Variants in SERGEF observed in about 807,000 individuals in gnomAD.
The protein encoded by SERGEF is secretion-regulating guanine nucleotide exchange factor.
A neutral mutation model predicts 50.0 loss-of-function variants in SERGEF; 51 were observed. The ratio of observed to expected loss-of-function variants is 1.02; its 90% CI spans 0.81 to 1.29. The LOEUF (loss-of-function observed/expected upper bound fraction) is 1.29, where lower values mean the gene tolerates loss of function less well. Ranked by LOEUF, SERGEF falls within the 50% of genes most tolerant of loss-of-function variation. The pLI, the probability that SERGEF is intolerant of heterozygous loss-of-function variation, is 0.00. For synonymous variants in SERGEF, 205 were observed against 212.4 expected (o/e 0.97, Z 0.30); for missense variants, 521 against 557.0 (o/e 0.94, Z 0.65).
At chr11:17,988,481 T>C in intron 8 of SERGEF, 116 bp downstream of exon 8, 1 of 951,882 alleles carries the variant, frequency 1.1e-6, no homozygotes, top group South Asian at 1.8e-5. Context: ...AGTATCCCCA[T>C]CTCTGATCTT....
At chr11:17,842,075 AT>A (rs901458791) in intron 10 of SERGEF, among the ~76,000 whole-genome samples, 311 of 146,808 alleles carry the variant, frequency 2.1e-3, no homozygotes, top group African/African-American at 6.4e-3. Flanking sequence ...GACTGGTGCA[AT>A]TTTTTTTTTT....
rs556626301 is a variant in SERGEF at position 17,988,702 on chromosome 11, C to T, written c.739G>A (p.Glu247Lys). 18 of 1,614,148 alleles carry T rather than the reference C, an allele frequency of 1.1e-5. No homozygotes were observed. The East Asian group carries it at 2.2e-4, about 20-fold the overall frequency. ...GSNKHGQLAN[E>K]AAFLPVPQKI... The stretch of plus-strand genomic sequence containing the variant: ...TGGGGCACAGGAAGGAAAGCAGCCT[C>T]ATTAGCCAGTTGCCCATGCTTGTTG... The change falls in exon 8 of 11, where the codon GAG becomes AAG. Residue 247 changes from glutamate to lysine, a missense_variant. By Grantham distance (56) the Glu-to-Lys change is moderately conservative. Coordinates refer to ENST00000265965, the MANE Select transcript of SERGEF (RefSeq NM_012139.4).
At chr11:17,792,351 G>A (rs1311255417) in intron 10 of SERGEF, among the ~76,000 whole-genome samples, 1 of 152,244 alleles carries the variant, frequency 6.6e-6, no homozygotes, top group Non-Finnish European at 1.5e-5. Context: ...GTACCTTTGC[G>A]CCTAGTTCGG....
chr11:17,962,592 C>T (rs765131370), intron 8 of SERGEF, among the ~76,000 whole-genome samples: 2 of 152,094 alleles, frequency 1.3e-5, no homozygotes, highest in Admixed American at 1.3e-4. Flanking sequence ...TAGCTCAAAA[C>T]GAAGTCAGCA....
At chr11:17,788,877 A>G (rs1023321470) in intron 10 of SERGEF, among the ~76,000 whole-genome samples, 13 of 152,234 alleles carry the variant, frequency 8.5e-5, no homozygotes, top group African/African-American at 2.7e-4. Flanking sequence ...ATCTTCAAAG[A>G]GCATCAAGAC....
chr11:17,928,458 G>A (rs1403430683), intron 9 of SERGEF, among the ~76,000 whole-genome samples: 2 of 152,078 alleles, frequency 1.3e-5, no homozygotes, highest in South Asian at 2.1e-4. Context: ...GAAGACTCCC[G>A]CTTCCAAATC....
At chr11:17,809,741 G>T (rs549391642) in intron 10 of SERGEF, among the ~76,000 whole-genome samples, 2 of 151,782 alleles carry the variant, frequency 1.3e-5, no homozygotes, top group Non-Finnish European at 2.9e-5. Flanking sequence ...GGGTACAGAG[G>T]GGTGAGAGGA....
Position 17,878,250 on chromosome 11 carries a change from A to G in SERGEF, c.1012-6T>C. 1 of 1,104,178 alleles carries G rather than the reference A, an allele frequency of 9.1e-7. No homozygotes were observed. The highest frequency in any genetic ancestry group is 1.8e-5 in the South Asian group (1 of 55,982). 68.4% of individuals were successfully genotyped at this position (1,104,178 alleles called of 1,614,324 possible). On this transcript the variant is annotated splice_polypyrimidine_tract_variant and splice_region_variant and intron_variant, in intron 9 of 10. Transcript: ENST00000265965. The stretch of plus-strand genomic sequence containing the variant: ...TGCTCTGAGCCACAAGAGACCTGTA[A>G]AAAAAAAAAAAGACAAAGAAAATGG...
At chr11:17,800,918 G>A (rs765211781) in intron 10 of SERGEF, among the ~76,000 whole-genome samples, 13 of 152,126 alleles carry the variant, frequency 8.5e-5, no homozygotes, top group East Asian at 1.9e-4. Context: ...GGGGAAGGCC[G>A]GGCACGGTGG....
intron 10 of SERGEF, chr11:17,856,056 T>C (rs12419230): frequency 0.5 from 76,465 of 152,044 alleles, 21,778 homozygotes; most frequent in Middle Eastern, 0.71. Context: ...GATGTGGTCC[T>C]GTAATGCAAG....
intron 8 of SERGEF, among the ~76,000 whole-genome samples, chr11:17,981,030 C>G (rs1853486143): frequency 6.6e-6 from 1 of 152,188 alleles, no homozygotes; most frequent in South Asian, 2.1e-4. Flanking sequence ...TAAAATGTGA[C>G]CTTCCCAAAG....
chr11:17,933,854 A>C (rs147076614), intron 9 of SERGEF, among the ~76,000 whole-genome samples: 3 of 152,168 alleles, frequency 2.0e-5, no homozygotes, highest in Non-Finnish European at 4.4e-5. Flanking sequence ...TTGAGTTTGC[A>C]TATTTCCACC....
At chr11:17,814,304 A>T (rs1849926739) in intron 10 of SERGEF, among the ~76,000 whole-genome samples, 1 of 152,226 alleles carries the variant, frequency 6.6e-6, no homozygotes, top group Non-Finnish European at 1.5e-5. Context: ...AAAAGCAAAG[A>T]CTGAGGTTTA....
In SERGEF at chr11:17,928,065, G is replaced by A. The variant is rs545612012; in HGVS notation, c.1011+31405C>T. On this transcript the variant is annotated intron_variant, in intron 9 of 10. Coordinates refer to ENST00000265965, the MANE Select transcript of SERGEF (RefSeq NM_012139.4). ...TAAATTTGAAGTCTTTAGATAAAAT[G>A]ACTTTAAAAATACTAATTATGCACG... Among the ~76,000 whole-genome samples the A allele has an allele frequency of 4.6e-5, 7 of 152,310 alleles. No individual in the cohort carries two copies. In the South Asian group the frequency reaches 1.4e-3, roughly 32 times the overall value.
intron 9 of SERGEF, among the ~76,000 whole-genome samples, chr11:17,914,962 T>C (rs1168469703): frequency 6.6e-6 from 1 of 152,200 alleles, no homozygotes; most frequent in African/African-American, 2.4e-5. Context: ...GAATGGAGAA[T>C]AAAAGAAGAG....
chr11:17,887,448 TA>T (rs1416955888), intron 9 of SERGEF, among the ~76,000 whole-genome samples: 1 of 152,164 alleles, frequency 6.6e-6, no homozygotes, highest in Non-Finnish European at 1.5e-5. Flanking sequence ...ACAATCAAAC[TA>T]AAAGACAGGC....
intron 10 of SERGEF, among the ~76,000 whole-genome samples, chr11:17,862,325 T>C (rs576402692): frequency 2.6e-5 from 4 of 152,338 alleles, no homozygotes; most frequent in Non-Finnish European, 4.4e-5. Flanking sequence ...AGAGAGCTAG[T>C]AGAGACCTCA....
rs757473474 is a variant in SERGEF, at chr11:17,992,930, C to T, written c.685+1G>A. The T allele has an allele frequency of 6.2e-6, 10 of 1,613,492 alleles. No homozygotes were observed. Among genetic ancestry groups the T allele is most frequent in the Admixed American group, 5.0e-5 (3 of 60,028 alleles). On this transcript the variant is annotated splice_donor_variant, in intron 7 of 10. Transcript: ENST00000265965. LOFTEE classifies it high-confidence loss of function. The stretch of plus-strand genomic sequence containing the variant: ...TAAACCGTGAAAGAGCTGGTACCTA[C>T]CTGTTAATGAAGCTGAGTGGTCTGA...
chr11:17,929,647 T>G (rs1331073752), intron 9 of SERGEF, among the ~76,000 whole-genome samples: 3 of 152,216 alleles, frequency 2.0e-5, no homozygotes, highest in Non-Finnish European at 4.4e-5. Flanking sequence ...GGCGCTGTGC[T>G]AGGCAGGCAG....
Sources: allele counts gnomAD v4.1 joint callset (sites outside exome capture counted in the v4.1 genomes callset), GRCh38; gene constraint gnomAD v4.1.1; transcripts MANE v1.5; gene names NCBI Gene and HGNC (gene_info 2026-07-23, HGNC 2026-07-21).